The following SLC8A1 variants were observed in gnomAD, a reference collection of about 807,000 sequenced individuals.
SLC8A1 encodes sodium/calcium exchanger 1.
In SLC8A1, 18 loss-of-function variants were observed where a neutral mutation model predicts 68.3. The observed-to-expected ratio is 0.26, with a 90% CI of 0.18 to 0.39. SLC8A1 has a LOEUF of 0.39. SLC8A1 is among the 10% of genes least tolerant of loss of function. The probability of loss-of-function intolerance (pLI) is 1.00; values close to 1 mark genes in which losing one functional copy is unlikely to be tolerated. For synonymous variants in SLC8A1, 475 were observed against 415.5 expected (o/e 1.14, Z -1.74); for missense variants, 985 against 1,156.7 (o/e 0.85, Z 2.15).
At chr2:40,218,792 G>A (rs1023557074) in intron 2 of SLC8A1, among the ~76,000 whole-genome samples, 1 of 151,802 alleles carries the variant, frequency 6.6e-6, no homozygotes, top group Non-Finnish European at 1.5e-5. Context: ...TTCTATTTTA[G>A]ATTTCAGCAG....
At position 40,245,710 on chromosome 2, in the gene SLC8A1, TTGAC is replaced by T. The variant is rs369038815; in HGVS notation, c.1809-67859_1809-67856del. On this transcript the variant is annotated intron_variant, in intron 2 of 7. Transcript: ENST00000406785. ...TTTTTTTTTTTAATCATTCCTTCTC[TTGAC>T]TATCTGCTGCTCTCCTGTGATGTAT... 6.4e-3 allele frequency among the ~76,000 whole-genome samples: 972 copies of T among 152,296 alleles called. 10 individuals carry two copies. The highest frequency in any genetic ancestry group is 0.021 in the African/African-American group (888 of 41,560).
intron 1 of SLC8A1, among the ~76,000 whole-genome samples, chr2:40,464,482 C>A (rs2149896703): frequency 6.6e-6 from 1 of 152,304 alleles, no homozygotes; most frequent in African/African-American, 2.4e-5. Flanking sequence ...TGTTTCTCCT[C>A]TTTGAGGTAA....
At chr2:40,159,686 A>T (rs2045310096) in intron 6 of SLC8A1, among the ~76,000 whole-genome samples, 1 of 152,142 alleles carries the variant, frequency 6.6e-6, no homozygotes, top group Non-Finnish European at 1.5e-5. Flanking sequence ...GCAAATTCCA[A>T]ATCCACTCTC....
At chr2:40,143,519 C>T (rs2041947367) in intron 6 of SLC8A1, among the ~76,000 whole-genome samples, 1 of 152,168 alleles carries the variant, frequency 6.6e-6, no homozygotes, top group Admixed American at 6.6e-5. Context: ...TCATTCTTTT[C>T]AGCTAATGGA....
chr2:40,173,237 A>C (rs2047860736), intron 4 of SLC8A1, among the ~76,000 whole-genome samples: 1 of 152,136 alleles, frequency 6.6e-6, no homozygotes, highest in African/African-American at 2.4e-5. Context: ...GAGTGTTTAC[A>C]AGGGGACTTC....
At position 40,248,335 on chromosome 2, in the gene SLC8A1, G is replaced by T. The variant is rs187133800; in HGVS notation, c.1809-70480C>A. Among the ~76,000 whole-genome samples, 165 of 152,310 alleles carry T rather than the reference G, an allele frequency of 1.1e-3. 1 individual carries two copies. Among genetic ancestry groups the T allele is most frequent in the Middle Eastern group, 3.4e-3 (1 of 294 alleles). The stretch of plus-strand genomic sequence containing the variant: ...CCTAACTCCCAGGGTGATGGGATGA[G>T]AAGGTGGGTACCTTTGGGAAGTGAT... On this transcript the variant is annotated intron_variant, in intron 2 of 7. Coordinates refer to ENST00000406785, the Ensembl canonical transcript of SLC8A1.
chr2:40,361,384 A>C (rs542281439), intron 2 of SLC8A1, among the ~76,000 whole-genome samples: 14 of 152,178 alleles, frequency 9.2e-5, no homozygotes, highest in African/African-American at 3.4e-4. Flanking sequence ...AGTTGGGCAC[A>C]TGTGGGTCTA....
intron 6 of SLC8A1, among the ~76,000 whole-genome samples, chr2:40,151,321 C>T (rs1340783891): frequency 6.6e-6 from 1 of 152,008 alleles, no homozygotes; most frequent in African/African-American, 2.4e-5. Flanking sequence ...AGATCAGACA[C>T]AGTATGATGA....
intron 7 of SLC8A1, among the ~76,000 whole-genome samples, chr2:40,119,983 A>C (rs1025659195): frequency 6.6e-6 from 1 of 152,216 alleles, no homozygotes; most frequent in Non-Finnish European, 1.5e-5. Flanking sequence ...ACCTTGCCCA[A>C]GTCATCTGGT....
intron 1 of SLC8A1, among the ~76,000 whole-genome samples, chr2:40,437,868 T>G (rs1178810333): frequency 6.6e-6 from 1 of 152,050 alleles, no homozygotes; most frequent in African/African-American, 2.4e-5. Context: ...AAAACATATC[T>G]CCAAAGGAGC....
intron 2 of SLC8A1, among the ~76,000 whole-genome samples, chr2:40,209,419 A>AG (rs1290256708): frequency 4.2e-4 from 64 of 152,252 alleles, no homozygotes; most frequent in African/African-American, 1.5e-3. Flanking sequence ...GAAAGGTGAG[A>AG]GTTAAGAGTA....
intron 2 of SLC8A1, among the ~76,000 whole-genome samples, chr2:40,390,329 G>A (rs1268894239): frequency 6.6e-6 from 1 of 151,904 alleles, no homozygotes; most frequent in Admixed American, 6.6e-5. Context: ...ACTTTCAATT[G>A]TGGATAAAAT....
chr2:40,415,859 TACACACAC>T (rs70957173), intron 2 of SLC8A1, among the ~76,000 whole-genome samples: 7,163 of 113,516 alleles, frequency 0.063, 227 homozygotes, highest in Admixed American at 0.076. Flanking sequence ...ACTAAAAGTA[TACACACAC>T]ACACACACAC....
At chr2:40,370,387 C>T (rs1373342816) in intron 2 of SLC8A1, among the ~76,000 whole-genome samples, 1 of 152,114 alleles carries the variant, frequency 6.6e-6, no homozygotes, top group Non-Finnish European at 1.5e-5. Flanking sequence ...TCTTATATAG[C>T]AAAGGCTCTC....
intron 2 of SLC8A1, among the ~76,000 whole-genome samples, chr2:40,380,442 A>T (rs1224683648): frequency 6.6e-6 from 1 of 152,150 alleles, no homozygotes; most frequent in East Asian, 1.9e-4. Flanking sequence ...CTTCACAAGG[A>T]ACTTTCACTA....
intron 2 of SLC8A1, among the ~76,000 whole-genome samples, chr2:40,313,311 T>G (rs1393269219): frequency 6.6e-6 from 1 of 152,150 alleles, no homozygotes; most frequent in African/African-American, 2.4e-5. Flanking sequence ...TATTGCTGTG[T>G]ATGGAAATGG....
chr2:40,156,587 A>C (rs942546996), intron 6 of SLC8A1, among the ~76,000 whole-genome samples: 2 of 152,032 alleles, frequency 1.3e-5, no homozygotes, highest in African/African-American at 4.8e-5. Flanking sequence ...AGGAAAACAA[A>C]TTCTTCCCTT....
intron 1 of SLC8A1, among the ~76,000 whole-genome samples, chr2:40,508,743 AT>A: frequency 6.6e-6 from 1 of 152,210 alleles, no homozygotes; most frequent in African/African-American, 2.4e-5. Flanking sequence ...GAGAAAGTAC[AT>A]TTTTTTCCTA....
chr2:40,261,813 A>G (rs529992524), intron 2 of SLC8A1, among the ~76,000 whole-genome samples: 1 of 152,216 alleles, frequency 6.6e-6, no homozygotes, highest in Non-Finnish European at 1.5e-5. Context: ...TAAGAGAAAG[A>G]GAAAATGATG....
Sources: gnomAD v4.1 joint callset for allele counts (sites outside exome capture counted in the v4.1 genomes callset) on GRCh38, gnomAD v4.1.1 for gene constraint, MANE v1.5 for transcripts, NCBI Gene and HGNC (gene_info 2026-07-23, HGNC 2026-07-21) for gene names.